The following TRPM1 variants were observed in gnomAD, a reference collection of about 807,000 sequenced individuals.
TRPM1 encodes TRPM1-203 APA Isoform, Intron 10.
Under a neutral mutation model 149.4 loss-of-function variants are expected in TRPM1, and 113 were observed. The ratio of observed to expected loss-of-function variants is 0.76; its 90% CI spans 0.65 to 0.88. TRPM1 has a LOEUF of 0.88. Ranked by LOEUF, TRPM1 falls within the 40% of genes least tolerant of loss-of-function variation. The pLI, the probability that TRPM1 is intolerant of heterozygous loss-of-function variation, is 0.00. For synonymous variants in TRPM1, 741 were observed against 759.5 expected (o/e 0.98, Z 0.40); for missense variants, 1,976 against 2,038.7 (o/e 0.97, Z 0.59).
intron 1 of TRPM1, among the ~76,000 whole-genome samples, chr15:31,141,810 T>C (rs957524999): frequency 1.3e-5 from 2 of 152,232 alleles, no homozygotes; most frequent in African/African-American, 4.8e-5. Flanking sequence ...AAATTGGTTG[T>C]GAGGGATATC....
rs117202409 is a variant in TRPM1 at position 31,097,495 on chromosome 15, T to C, written c.-84+4162A>G. 1.8e-4 allele frequency among the ~76,000 whole-genome samples: 27 copies of C among 152,270 alleles called. No individual in the cohort carries two copies. In the East Asian group the frequency reaches 5.2e-3, roughly 29 times the overall value. On this transcript the variant is annotated intron_variant, in intron 1 of 27. Transcript: ENST00000256552. ...TCGATCACCTGGAAATACTTTTGCATGTAAATAGGCAATGTATGGATGCTT... is the reference window on the plus strand; with the variant it reads ...TCGATCACCTGGAAATACTTTTGCACGTAAATAGGCAATGTATGGATGCTT...
intron 1 of TRPM1, among the ~76,000 whole-genome samples, chr15:31,124,595 A>C (rs1485189060): frequency 2.0e-5 from 3 of 149,442 alleles, no homozygotes; most frequent in African/African-American, 7.4e-5. Context: ...CGGAGGTTGC[A>C]GTGACCCAAG....
At chr15:31,100,172 T>C (rs10851488) in intron 1 of TRPM1, among the ~76,000 whole-genome samples, 106,818 of 151,148 alleles carry the variant, frequency 0.71, 39,068 homozygotes, top group East Asian at 0.96. Context: ...CTCCACCTCC[T>C]GGGTTCAACC....
At chr15:31,129,886 A>G (rs2035995879) in intron 1 of TRPM1, among the ~76,000 whole-genome samples, 2 of 152,322 alleles carry the variant, frequency 1.3e-5, no homozygotes, top group South Asian at 2.1e-4. Context: ...TGTGAAATTC[A>G]ACCAGTGGCT....
At chr15:31,034,391 G>C (rs908222972) in intron 21 of TRPM1, among the ~76,000 whole-genome samples, 1 of 152,190 alleles carries the variant, frequency 6.6e-6, no homozygotes, top group South Asian at 2.1e-4. Context: ...CCCCAGGTGG[G>C]CTTGCCCACC....
intron 3 of TRPM1, among the ~76,000 whole-genome samples, chr15:31,072,018 T>TAGAGAGAGAGAGAGAGAG (rs61039099): frequency 2.2e-4 from 8 of 36,908 alleles, no homozygotes; most frequent in African/African-American, 5.6e-4. Context: ...TATATATATA[T>TAGAGAGAGAGAGAGAGAG]AGAGAGAGAG....
At chr15:31,059,926 C>T (rs991721015) in intron 11 of TRPM1, among the ~76,000 whole-genome samples, 1 of 152,162 alleles carries the variant, frequency 6.6e-6, no homozygotes, top group South Asian at 2.1e-4. Context: ...CCCCATGTCA[C>T]ACACACACAT....
chr15:31,067,000 G>T (rs8039189), intron 6 of TRPM1, 63 bp downstream of exon 6: 234,255 of 1,605,052 alleles, frequency 0.15, 19,123 homozygotes, highest in African/African-American at 0.32. Context: ...CTGAATCAAC[G>T]GTTACCTCAA....
At chr15:31,050,268 A>G in intron 12 of TRPM1, 141 bp downstream of exon 12, 1 of 1,221,102 alleles carries the variant, frequency 8.2e-7, no homozygotes, top group Non-Finnish European at 1.2e-6. Flanking sequence ...GTAGTTTGAA[A>G]TGCTGACACT....
intron 1 of TRPM1, among the ~76,000 whole-genome samples, chr15:31,158,159 A>G (rs558283865): frequency 1.3e-5 from 2 of 152,278 alleles, no homozygotes; most frequent in Non-Finnish European, 2.9e-5. Context: ...AATAGGCCTT[A>G]GGGCAAACTG....
chr15:31,060,373 G>T, intron 11 of TRPM1, 171 bp downstream of exon 11: 1 of 667,146 alleles, frequency 1.5e-6, no homozygotes, highest in Non-Finnish European at 2.7e-6. Flanking sequence ...CTTCTTGTTG[G>T]TTCTTTGAAG....
At chr15:31,068,831 CTA>C (rs1179489883) in intron 4 of TRPM1, among the ~76,000 whole-genome samples, 1 of 150,482 alleles carries the variant, frequency 6.6e-6, no homozygotes, top group African/African-American at 2.4e-5. Flanking sequence ...AAGGTGCTAT[CTA>C]TGAAGCAGAG....
intron 20 of TRPM1, among the ~76,000 whole-genome samples, chr15:31,036,666 T>C (rs959486799): frequency 1.3e-5 from 2 of 152,208 alleles, no homozygotes; most frequent in Non-Finnish European, 2.9e-5. Flanking sequence ...CTCGATGGCT[T>C]CCTGGCCCCA....
intron 11 of TRPM1, among the ~76,000 whole-genome samples, chr15:31,051,193 A>G (rs899096252): frequency 1.3e-5 from 2 of 152,194 alleles, no homozygotes; most frequent in African/African-American, 4.8e-5. Context: ...GAGGGACAGC[A>G]GAAGTAGGCC....
intron 1 of TRPM1, among the ~76,000 whole-genome samples, chr15:31,154,116 G>A (rs759970677): frequency 8.5e-5 from 13 of 152,180 alleles, no homozygotes; most frequent in Admixed American, 7.2e-4. Context: ...GTCTGTCTAC[G>A]GAATTTAACA....
At position 31,107,626 on chromosome 15, in the gene TRPM1, A is replaced by G. The variant is rs544787460; in HGVS notation, c.55-30642T>C. 5.9e-5 allele frequency among the ~76,000 whole-genome samples: 9 copies of G among 151,314 alleles called. No individual in the cohort carries two copies. The South Asian group carries it at 1.9e-3, about 32-fold the overall frequency. On this transcript the variant is annotated intron_variant, in intron 1 of 26. Transcript: ENST00000542188. ...GGATTTAGTTTGCTTGTCTTTTTCT[A>G]TTTTCTAAAGTTGAAGGTTAGGTTA...
In TRPM1 at chr15:31,128,901, T is replaced by C. The variant is rs139826671; in HGVS notation, c.54+32005A>G. Among the ~76,000 whole-genome samples the C allele has an allele frequency of 7.9e-3, 1,204 of 152,366 alleles. 2 individuals carry two copies. The highest frequency in any genetic ancestry group is 0.014 in the Middle Eastern group (4 of 294). Reference sequence around the variant, plus strand: ...CAGCAAATTTTGTAGCTAATTCAGATGAAAGCCCCCCCGCTCCGGCTTCCA... The same window carrying C: ...CAGCAAATTTTGTAGCTAATTCAGACGAAAGCCCCCCCGCTCCGGCTTCCA... On this transcript the variant is annotated intron_variant, in intron 1 of 26. Coordinates refer to the TRPM1 transcript ENST00000542188.
chr15:31,062,998 A>G, intron 8 of TRPM1, 120 bp downstream of exon 8: 1 of 1,379,752 alleles, frequency 7.2e-7, no homozygotes, highest in Non-Finnish European at 1.0e-6. Context: ...GAGGAGATCT[A>G]GCAAATCTTC....
chr15:31,045,001 T>C (rs1440166596), intron 16 of TRPM1, among the ~76,000 whole-genome samples: 5 of 152,126 alleles, frequency 3.3e-5, no homozygotes, highest in African/African-American at 1.2e-4. Flanking sequence ...TATGAAGTAG[T>C]ATTATGAAAT....
Sources: allele counts gnomAD v4.1 joint callset (sites outside exome capture counted in the v4.1 genomes callset), GRCh38; gene constraint gnomAD v4.1.1; transcripts MANE v1.5; gene names NCBI Gene and HGNC (gene_info 2026-07-23, HGNC 2026-07-21).